Variants in TLK2 observed in about 807,000 individuals in gnomAD.
The protein encoded by TLK2 is tousled like kinase 2, also known as serine/threonine-protein kinase tousled-like 2.
TLK2 carries 6 observed loss-of-function variants against 117.3 expected under a neutral mutation model. The ratio of observed to expected loss-of-function variants is 0.05; its 90% CI spans 0.03 to 0.10. The LOEUF (loss-of-function observed/expected upper bound fraction) is 0.10, where lower values mean the gene tolerates loss of function less well. Ranked by LOEUF, TLK2 falls within the 10% of genes least tolerant of loss-of-function variation. TLK2 has a pLI of 1.00. For synonymous variants in TLK2, 257 were observed against 316.7 expected (o/e 0.81, Z 2.00); for missense variants, 299 against 901.2 (o/e 0.33, Z 8.56).
chr17:62,580,674 T>C (rs965048712), intron 15 of TLK2, among the ~76,000 whole-genome samples: 1 of 152,136 alleles, frequency 6.6e-6, no homozygotes, highest in Non-Finnish European at 1.5e-5. Flanking sequence ...AGTGCTTCAG[T>C]TGGGCTAGCG....
intron 16 of TLK2, among the ~76,000 whole-genome samples, chr17:62,586,917 A>G (rs4468695): frequency 0.73 from 110,172 of 151,600 alleles, 40,866 homozygotes; most frequent in African/African-American, 0.88. Context: ...ATTTCCTTCT[A>G]GAAGAGACTG....
At chr17:62,565,719 G>A (rs1312156716) in intron 11 of TLK2, among the ~76,000 whole-genome samples, 1 of 151,162 alleles carries the variant, frequency 6.6e-6, no homozygotes, top group African/African-American at 2.4e-5. Flanking sequence ...CTGAAGCTAA[G>A]GAAGAAAAAC....
chr17:62,578,360 G>A, intron 13 of TLK2, 117 bp from the exon 14 acceptor site: 1 of 755,328 alleles, frequency 1.3e-6, no homozygotes. Flanking sequence ...ATCTTTCAAT[G>A]CAAAGCACCT....
chr17:62,574,481 G>A, intron 12 of TLK2: 1 of 779,170 alleles, frequency 1.3e-6, no homozygotes, highest in Admixed American at 2.5e-5. Flanking sequence ...AATGAACTTG[G>A]AAAACATCTT....
chr17:62,591,401 T>C (rs953216436), intron 16 of TLK2, among the ~76,000 whole-genome samples: 1 of 148,886 alleles, frequency 6.7e-6, no homozygotes, highest in South Asian at 2.1e-4. Context: ...GAATTGAGGG[T>C]TGGGGAGGCC....
chr17:62,534,075 T>A (rs2076947876), intron 6 of TLK2, among the ~76,000 whole-genome samples: 1 of 152,232 alleles, frequency 6.6e-6, no homozygotes, highest in South Asian at 2.1e-4. Flanking sequence ...GATACTGTTT[T>A]AGTTAATGTA....
At chr17:62,596,102 A>G (rs2082459829) in intron 16 of TLK2, among the ~76,000 whole-genome samples, 1 of 152,166 alleles carries the variant, frequency 6.6e-6, no homozygotes, top group Non-Finnish European at 1.5e-5. Flanking sequence ...TTTTGGAGAT[A>G]GAGTCTCGCT....
chr17:62,605,101 G>A (rs1397725563), intron 19 of TLK2, among the ~76,000 whole-genome samples: 1 of 152,044 alleles, frequency 6.6e-6, no homozygotes, highest in African/African-American at 2.4e-5. Context: ...GCTGAGGCGG[G>A]CGGATCACGA....
At chr17:62,519,651 A>T (rs1447207621) in intron 2 of TLK2, among the ~76,000 whole-genome samples, 1 of 152,068 alleles carries the variant, frequency 6.6e-6, no homozygotes, top group Non-Finnish European at 1.5e-5. Context: ...ATAATAAATT[A>T]TTATTGTTTA....
chr17:62,526,974 G>T lies in TLK2; in HGVS notation c.363+2643G>T, dbSNP rs571707446. On this transcript the variant is annotated intron_variant, in intron 6 of 21. Coordinates refer to ENST00000346027, the MANE Select transcript of TLK2 (RefSeq NM_006852.6). ...ACTGAAGTCTTTATGTGACCTAAAAGCTCCTGCGTGATCTGTGCTTCCCAT... is the reference window on the plus strand; with the variant it reads ...ACTGAAGTCTTTATGTGACCTAAAATCTCCTGCGTGATCTGTGCTTCCCAT... Among the ~76,000 whole-genome samples, 36 of 152,274 alleles carry T rather than the reference G, an allele frequency of 2.4e-4. No homozygotes were observed. The East Asian group carries it at 6.8e-3, about 29-fold the overall frequency.
intron 1 of TLK2, among the ~76,000 whole-genome samples, chr17:62,471,882 T>C (rs976828479): frequency 3.6e-5 from 5 of 140,584 alleles, no homozygotes; most frequent in Non-Finnish European, 6.1e-5. Context: ...GATTAGGTAG[T>C]ATAGTCTTTT....
At chr17:62,559,046 C>G (rs1235391111) in intron 9 of TLK2, among the ~76,000 whole-genome samples, 1 of 152,096 alleles carries the variant, frequency 6.6e-6, no homozygotes, top group South Asian at 2.1e-4. Flanking sequence ...TCAGGACTTG[C>G]AAGTCAAATT....
intron 17 of TLK2, among the ~76,000 whole-genome samples, chr17:62,598,014 A>G (rs927935640): frequency 2.0e-5 from 3 of 152,190 alleles, no homozygotes; most frequent in Non-Finnish European, 4.4e-5. Context: ...GCTGCCTTAC[A>G]TTTAGAAATA....
At chr17:62,581,066 A>G (rs2081181600) in intron 15 of TLK2, among the ~76,000 whole-genome samples, 1 of 151,856 alleles carries the variant, frequency 6.6e-6, no homozygotes. Flanking sequence ...AGGCTGGAGT[A>G]AGGTAGCACA....
chr17:62,548,021 C>T (rs976787145), intron 7 of TLK2, among the ~76,000 whole-genome samples: 7 of 151,962 alleles, frequency 4.6e-5, no homozygotes, highest in Admixed American at 4.6e-4. Context: ...AATTAAAGTC[C>T]TTTGGAATGT....
intron 11 of TLK2, among the ~76,000 whole-genome samples, chr17:62,565,853 T>G (rs1291830106): frequency 6.6e-6 from 1 of 152,108 alleles, no homozygotes; most frequent in Non-Finnish European, 1.5e-5. Context: ...TTTCCTGAGA[T>G]AAGTTTAGGT....
upstream of TLK2, among the ~76,000 whole-genome samples, chr17:62,475,253 C>G (rs1178284602): frequency 6.6e-6 from 1 of 152,102 alleles, no homozygotes; most frequent in South Asian, 2.1e-4. Flanking sequence ...AGATGAGGAA[C>G]CTGGGACAGG....
intron 6 of TLK2, among the ~76,000 whole-genome samples, chr17:62,528,814 C>A (rs1258409771): frequency 6.6e-6 from 1 of 152,088 alleles, no homozygotes; most frequent in African/African-American, 2.4e-5. Context: ...TTTGTCTGGT[C>A]CTTCACAAAA....
At chr17:62,472,849 C>T (rs1416616327) in intron 1 of TLK2, among the ~76,000 whole-genome samples, 1 of 152,016 alleles carries the variant, frequency 6.6e-6, no homozygotes, top group Non-Finnish European at 1.5e-5. Context: ...ATTATCAGGA[C>T]CAATTGATTT....
Sources: gnomAD v4.1 joint callset for allele counts (sites outside exome capture counted in the v4.1 genomes callset) on GRCh38, gnomAD v4.1.1 for gene constraint, MANE v1.5 for transcripts, NCBI Gene and HGNC (gene_info 2026-07-23, HGNC 2026-07-21) for gene names.